ADAM12: variants seen among roughly 807,000 people sequenced by gnomAD.
The protein encoded by ADAM12 is ADAM metallopeptidase domain 12.
In ADAM12, 70 loss-of-function variants were observed where a neutral mutation model predicts 106.4. The observed-to-expected ratio is 0.66, with a 90% CI of 0.54 to 0.80. The LOEUF (loss-of-function observed/expected upper bound fraction) is 0.80. Among genes scored for constraint, ADAM12 ranks in the 30% least tolerant of loss-of-function variants. The probability of loss-of-function intolerance (pLI) is 0.00; values close to 1 mark genes in which losing one functional copy is unlikely to be tolerated. For missense variants in ADAM12, 1,010 were observed against 1,171.9 expected (o/e 0.86, Z 2.02); for synonymous variants, 420 against 433.5 (o/e 0.97, Z 0.39).
At chr10:126,135,402 G>T (rs963028417) in intron 5 of ADAM12, 182 bp downstream of exon 5, 13 of 592,418 alleles carry the variant, frequency 2.2e-5, no homozygotes, top group Admixed American at 5.8e-5. Flanking sequence ...TAAGATCCTG[G>T]GTGGCCATGC....
chr10:126,263,475 T>G (rs1174545871), intron 3 of ADAM12, among the ~76,000 whole-genome samples: 1 of 116,838 alleles, frequency 8.6e-6, no homozygotes, highest in African/African-American at 2.9e-5. Context: ...CTTTGCTGTT[T>G]TTTTGTTTGT....
At chr10:126,019,851 G>A (rs761203449) in intron 21 of ADAM12, 26 bp from the exon 22 acceptor site, 9 of 1,599,048 alleles carry the variant, frequency 5.6e-6, no homozygotes, top group South Asian at 5.6e-5. Context: ...GGTTAGGCAG[G>A]GTCACTTACC....
intron 11 of ADAM12, 39 bp downstream of exon 11, chr10:126,093,946 A>C: frequency 6.2e-7 from 1 of 1,611,770 alleles, no homozygotes; most frequent in South Asian, 1.1e-5. Flanking sequence ...ACTTCAAGCC[A>C]TGCACACTGT....
chr10:126,156,741 C>T (rs12412988), intron 3 of ADAM12, among the ~76,000 whole-genome samples: 16,108 of 152,202 alleles, frequency 0.11, 948 homozygotes, highest in Admixed American at 0.13. Context: ...TGGGCCCTAA[C>T]GATGGAGCAG....
chr10:126,178,406 A>ATTTTTTTTTTTTTT (rs1426086384), intron 3 of ADAM12, among the ~76,000 whole-genome samples: 1 of 120,866 alleles, frequency 8.3e-6, no homozygotes, highest in African/African-American at 3.6e-5. Context: ...ATTGGAGGAC[A>ATTTTTTTTTTTTTT]TCTTTTTTTT....
Position 126,049,745 on chromosome 10 carries a change from T to G in ADAM12, c.1610-76A>C. On this transcript the variant is annotated intron_variant, in intron 14 of 22. Transcript: ENST00000448723. This position sits in a 1 kb window ranked among gnomAD's most constrained non-coding sequence, Gnocchi z 4.4. ...TTTTCATGGCTGTAGGCCTCTCAAA[T>G]GGTTACGGGGAGACGTGCTCAAAGC... 2 of 1,298,650 alleles carry G rather than the reference T, an allele frequency of 1.5e-6. No homozygotes were observed. Among genetic ancestry groups the G allele is most frequent in the Non-Finnish European group, 2.2e-6 (2 of 919,406 alleles). 80.4% of individuals were successfully genotyped at this position (1,298,650 alleles called of 1,614,324 possible). A position where few individuals can be genotyped will look rare whatever the true frequency, so the allele number is the denominator to read the frequency against.
intron 3 of ADAM12, among the ~76,000 whole-genome samples, chr10:126,193,213 C>A (rs1957535482): frequency 7.7e-6 from 1 of 130,312 alleles, no homozygotes; most frequent in Non-Finnish European, 1.5e-5. Flanking sequence ...TGCAGTGAGC[C>A]GAGATTGTGC....
At chr10:126,180,202 C>T (rs1353472890) in intron 3 of ADAM12, among the ~76,000 whole-genome samples, 2 of 152,152 alleles carry the variant, frequency 1.3e-5, no homozygotes, top group Non-Finnish European at 2.9e-5. Context: ...TGAAGATGAA[C>T]GCAGATCAAG....
At chr10:126,169,829 C>A (rs984087859) in intron 3 of ADAM12, among the ~76,000 whole-genome samples, 1 of 152,178 alleles carries the variant, frequency 6.6e-6, no homozygotes, top group Non-Finnish European at 1.5e-5. Context: ...CCTTTGACTC[C>A]TTGGACACAC....
At chr10:126,277,445 C>A (rs1959319510) in intron 3 of ADAM12, among the ~76,000 whole-genome samples, 1 of 152,126 alleles carries the variant, frequency 6.6e-6, no homozygotes, top group African/African-American at 2.4e-5. Context: ...ACCACAACAA[C>A]CCCATCGAGA....
intron 1 of ADAM12, among the ~76,000 whole-genome samples, chr10:126,359,902 A>G (rs1855682773): frequency 6.6e-6 from 1 of 152,148 alleles, no homozygotes; most frequent in South Asian, 2.1e-4. Flanking sequence ...CCTGCAGCAA[A>G]CTTCTGCCTG....
At chr10:126,257,351 T>C (rs1430442443) in intron 3 of ADAM12, among the ~76,000 whole-genome samples, 1 of 152,196 alleles carries the variant, frequency 6.6e-6, no homozygotes, top group Admixed American at 6.5e-5. Context: ...GATCAAAATG[T>C]TCCATTTGTA....
chr10:126,287,345 T>G (rs2133771406), intron 2 of ADAM12, among the ~76,000 whole-genome samples: 1 of 152,258 alleles, frequency 6.6e-6, no homozygotes, highest in East Asian at 1.9e-4. Flanking sequence ...AAAACATGAC[T>G]TATCAGAAAG....
chr10:126,212,621 T>C (rs1206889896), intron 3 of ADAM12, among the ~76,000 whole-genome samples: 1 of 152,192 alleles, frequency 6.6e-6, no homozygotes, highest in African/African-American at 2.4e-5. Context: ...CTGGGCTATC[T>C]TGGTTTCTCA....
chr10:126,202,116 C>T (rs373795829), intron 3 of ADAM12, among the ~76,000 whole-genome samples: 1 of 152,378 alleles, frequency 6.6e-6, no homozygotes, highest in African/African-American at 2.4e-5. Flanking sequence ...AACTTCCAAA[C>T]ATCTCAGTCG....
intron 2 of ADAM12, among the ~76,000 whole-genome samples, chr10:126,292,857 TA>T (rs906374009): frequency 1.3e-5 from 2 of 151,836 alleles, no homozygotes; most frequent in Admixed American, 6.6e-5. Flanking sequence ...TTTAAAAAGG[TA>T]AAAAAAATAA....
chr10:126,204,182 A>G (rs1469304293), intron 3 of ADAM12, among the ~76,000 whole-genome samples: 1 of 152,210 alleles, frequency 6.6e-6, no homozygotes, highest in Non-Finnish European at 1.5e-5. Context: ...CACCCCTGGC[A>G]GCCAGCTCCA....
chr10:126,188,854 C>A (rs558098320), intron 3 of ADAM12, among the ~76,000 whole-genome samples: 1 of 152,238 alleles, frequency 6.6e-6, no homozygotes, highest in African/African-American at 2.4e-5. Flanking sequence ...CATCCATAAT[C>A]CATTCATCTA....
intron 2 of ADAM12, among the ~76,000 whole-genome samples, chr10:126,301,833 C>T (rs910011092): frequency 6.6e-6 from 1 of 152,208 alleles, no homozygotes; most frequent in Non-Finnish European, 1.5e-5. Flanking sequence ...TATACATACT[C>T]TTACATCCTC....
Sources: gnomAD v4.1 joint callset for allele counts (sites outside exome capture counted in the v4.1 genomes callset) on GRCh38, gnomAD v4.1.1 for gene constraint, Gnocchi (gnomAD v3.1) non-coding constraint, MANE v1.5 for transcripts, NCBI Gene and HGNC (gene_info 2026-07-23, HGNC 2026-07-21) for gene names.